The following BRD10 variants were observed in gnomAD, a reference collection of about 807,000 sequenced individuals.
BRD10 encodes the protein uncharacterized bromodomain-containing protein 10.
the BRD10 span, among the ~76,000 whole-genome samples, chr9:5,934,408 G>C: frequency 1.3e-5 from 2 of 148,712 alleles, no homozygotes; most frequent in African/African-American, 5.0e-5. Flanking sequence ...GCCCAGGCTG[G>C]AGTGCAGAGG....
At chr9:5,902,658 GATTA>G in the BRD10 span, among the ~76,000 whole-genome samples, 2 of 149,950 alleles carry the variant, frequency 1.3e-5, no homozygotes, top group South Asian at 4.3e-4. Flanking sequence ...CTCCAGGTCT[GATTA>G]ATTTTCTTTT....
the BRD10 span, among the ~76,000 whole-genome samples, chr9:5,901,931 G>T: frequency 6.6e-6 from 1 of 152,140 alleles, no homozygotes. Flanking sequence ...ATTTTGTTGA[G>T]ATTTTTTGCA....
the BRD10 span, chr9:6,007,859 G>A: frequency 7.3e-7 from 1 of 1,374,680 alleles, no homozygotes; most frequent in Admixed American, 3.7e-5. Flanking sequence ...AGCGCGAGCC[G>A]CTTCCTCACG....
At chr9:5,886,313 G>C in the BRD10 span, among the ~76,000 whole-genome samples, 1 of 152,204 alleles carries the variant, frequency 6.6e-6, no homozygotes, top group East Asian at 1.9e-4. Flanking sequence ...CCAGTCAGTG[G>C]CCAGCAAGGT....
chr9:5,998,601 C>A, the BRD10 span, among the ~76,000 whole-genome samples: 1 of 151,990 alleles, frequency 6.6e-6, no homozygotes, highest in Non-Finnish European at 1.5e-5. Flanking sequence ...ATATAGCAAA[C>A]TCAAACTTTG....
the BRD10 span, among the ~76,000 whole-genome samples, chr9:5,978,721 T>TC: frequency 7.9e-5 from 12 of 152,136 alleles, no homozygotes; most frequent in Non-Finnish European, 1.5e-5. Context: ...TAGAAGGTTC[T>TC]CCAAGAAAAA....
chr9:5,951,603 C>A, the BRD10 span, among the ~76,000 whole-genome samples: 8 of 152,148 alleles, frequency 5.3e-5, no homozygotes, highest in South Asian at 1.4e-3. Context: ...TTTACAGAAT[C>A]TGAGGTGCTA....
chr9:5,920,256 A>G, the BRD10 span: 5 of 1,613,930 alleles, frequency 3.1e-6, no homozygotes, highest in Non-Finnish European at 4.2e-6. Flanking sequence ...GGATTAGTAG[A>G]TATAAGGAGA....
the BRD10 span, among the ~76,000 whole-genome samples, chr9:5,895,563 A>G: frequency 1.3e-5 from 2 of 152,188 alleles, no homozygotes; most frequent in African/African-American, 4.8e-5. Flanking sequence ...AGGACTACAT[A>G]CCTGCTTTGG....
At chr9:5,966,865 T>C in the BRD10 span, among the ~76,000 whole-genome samples, 1 of 152,206 alleles carries the variant, frequency 6.6e-6, no homozygotes, top group African/African-American at 2.4e-5. Flanking sequence ...AAAGTAACTT[T>C]TAAACATTGT....
chr9:5,945,087 A>G, the BRD10 span: 1 of 452,782 alleles, frequency 2.2e-6, no homozygotes, highest in Non-Finnish European at 3.9e-6. Context: ...AAAAAGCAAG[A>G]AAAGCTCTGC....
the BRD10 span, among the ~76,000 whole-genome samples, chr9:5,907,692 C>T: frequency 1.3e-5 from 2 of 152,222 alleles, no homozygotes; most frequent in Admixed American, 6.5e-5. Flanking sequence ...GTGGCTCACA[C>T]CTGTAATCCC....
the BRD10 span, among the ~76,000 whole-genome samples, chr9:5,998,702 C>T: frequency 6.6e-6 from 1 of 152,076 alleles, no homozygotes; most frequent in South Asian, 2.1e-4. Flanking sequence ...TAAGAGATTT[C>T]AGTTATCCTA....
At chr9:5,921,630 C>T in the BRD10 span, 6 of 1,613,950 alleles carry the variant, frequency 3.7e-6, no homozygotes, top group East Asian at 1.3e-4. Context: ...GCTGCTGTTG[C>T]TTCTGACCTT....
chr9:5,942,662 C>T, the BRD10 span, among the ~76,000 whole-genome samples: 1 of 152,114 alleles, frequency 6.6e-6, no homozygotes, highest in African/African-American at 2.4e-5. Context: ...GTTTAGTAAT[C>T]TCAGTAAGAT....
At chr9:5,881,320 G>T in the BRD10 span, among the ~76,000 whole-genome samples, 1 of 152,150 alleles carries the variant, frequency 6.6e-6, no homozygotes, top group Admixed American at 6.5e-5. Context: ...AATCTCAAAC[G>T]GTCAGCCCTA....
the BRD10 span, among the ~76,000 whole-genome samples, chr9:5,998,520 G>A: frequency 2.0e-5 from 3 of 151,962 alleles, no homozygotes; most frequent in African/African-American, 7.2e-5. Context: ...TGTCTCTCAG[G>A]AGAAAAGACT....
chr9:5,907,047 A>C, the BRD10 span: 1 of 1,188,292 alleles, frequency 8.4e-7, no homozygotes, highest in Non-Finnish European at 1.2e-6. Context: ...GCTGTTTTTA[A>C]CTCAAGTGAA....
At chr9:5,910,496 C>G in the BRD10 span, 3 of 152,216 alleles carry the variant, frequency 2.0e-5, no homozygotes, top group African/African-American at 4.8e-5. Flanking sequence ...GAAACTTCAT[C>G]AGGCATTTGG....
Sources: allele counts gnomAD v4.1 joint callset (sites outside exome capture counted in the v4.1 genomes callset), GRCh38; gene constraint gnomAD v4.1.1; transcripts MANE v1.5; gene names NCBI Gene and HGNC (gene_info 2026-07-23, HGNC 2026-07-21).